The following TTC28 variants were observed in gnomAD, a reference collection of about 807,000 sequenced individuals.
TTC28 encodes tetratricopeptide repeat domain 28, also known as tetratricopeptide repeat protein 28.
A neutral mutation model predicts 198.0 loss-of-function variants in TTC28; 61 were observed. The observed-to-expected ratio is 0.31, with a 90% CI of 0.25 to 0.38. The LOEUF (loss-of-function observed/expected upper bound fraction) is 0.38, where lower values mean the gene tolerates loss of function less well. TTC28 is among the 10% of genes least tolerant of loss of function. The pLI, the probability that TTC28 is intolerant of heterozygous loss-of-function variation, is 1.00. For missense variants in TTC28, 2,678 were observed against 3,164.0 expected, an observed-to-expected ratio of 0.85 and a Z score of 3.69; for synonymous variants, 1,171 against 1,297.8, an observed-to-expected ratio of 0.90 and a Z score of 2.10.
In TTC28 at chr22:27,979,418, T is replaced by G. The variant is rs1936943986; in HGVS notation, c.*2803A>C. On this transcript the variant is annotated 3_prime_UTR_variant, in exon 23 of 23. Coordinates refer to ENST00000397906, the MANE Select transcript of TTC28 (RefSeq NM_001145418.2). ...TTGCTTGAACCCAGGAGGAAGAGGT[T>G]GCAGTGAGCCAAAATCGCACCAGTG... 6.7e-6 allele frequency: 1 copy of G among 149,966 alleles called. No individual in the cohort carries two copies. The highest frequency in any genetic ancestry group is 1.5e-5 in the Non-Finnish European group (1 of 67,810). 9.3% of individuals were successfully genotyped at this position (149,966 alleles called of 1,614,324 possible).
At chr22:28,140,893 T>G (rs1943315212) in intron 6 of TTC28, among the ~76,000 whole-genome samples, 1 of 151,152 alleles carries the variant, frequency 6.6e-6, no homozygotes, top group Admixed American at 6.6e-5. Context: ...ACCAGCATGT[T>G]CAGAGAATAT....
intron 2 of TTC28, among the ~76,000 whole-genome samples, chr22:28,591,038 CACAT>C (rs1219767036): frequency 2.0e-3 from 50 of 24,520 alleles, no homozygotes; most frequent in Non-Finnish European, 2.0e-3. Context: ...CACACACACA[CACAT>C]ATATATATAT....
intron 12 of TTC28, among the ~76,000 whole-genome samples, chr22:28,083,089 C>G (rs1011305553): frequency 7.7e-6 from 1 of 129,104 alleles, no homozygotes; most frequent in Non-Finnish European, 1.7e-5. Flanking sequence ...TTTTTTTTGT[C>G]TTAAGCAACT....
intron 5 of TTC28, among the ~76,000 whole-genome samples, chr22:28,256,258 C>T (rs1414044560): frequency 2.0e-5 from 3 of 151,880 alleles, no homozygotes; most frequent in Non-Finnish European, 2.9e-5. Flanking sequence ...CCCGTCTCTA[C>T]TAAAGATACA....
At chr22:28,575,855 G>A (rs2050139200) in intron 2 of TTC28, among the ~76,000 whole-genome samples, 1 of 151,992 alleles carries the variant, frequency 6.6e-6, no homozygotes, top group Non-Finnish European at 1.5e-5. Flanking sequence ...TGTTTATTTT[G>A]TATCCTGCAA....
chr22:28,456,394 T>C (rs1008459232), intron 2 of TTC28, among the ~76,000 whole-genome samples: 4 of 152,152 alleles, frequency 2.6e-5, no homozygotes, highest in African/African-American at 9.7e-5. Flanking sequence ...TAGAATTAGA[T>C]AATGGTGATG....
intron 5 of TTC28, among the ~76,000 whole-genome samples, chr22:28,274,437 G>C (rs1932280551): frequency 6.6e-6 from 1 of 151,764 alleles, no homozygotes; most frequent in Middle Eastern, 3.2e-3. Context: ...TCCTTCTTTG[G>C]GTTCAAAAGA....
intron 2 of TTC28, among the ~76,000 whole-genome samples, chr22:28,486,727 T>C (rs1261085638): frequency 6.6e-6 from 1 of 152,154 alleles, no homozygotes; most frequent in Non-Finnish European, 1.5e-5. Context: ...AAACTCTGAC[T>C]TTTCCACTTC....
At chr22:28,529,897 T>C (rs565018684) in intron 2 of TTC28, among the ~76,000 whole-genome samples, 2 of 152,044 alleles carry the variant, frequency 1.3e-5, no homozygotes, top group East Asian at 3.9e-4. Context: ...CAAAACCCCA[T>C]CTGCACATCA....
intron 2 of TTC28, among the ~76,000 whole-genome samples, chr22:28,460,494 T>G (rs1376553383): frequency 1.3e-5 from 2 of 152,096 alleles, no homozygotes; most frequent in Admixed American, 6.6e-5. Flanking sequence ...TGCAACTTGC[T>G]TTTCTGCCCA....
rs528918398 is a variant in TTC28 at position 28,176,112 on chromosome 22, C to A, written c.934-12513G>T. 7.0e-4 allele frequency among the ~76,000 whole-genome samples: 106 copies of A among 152,246 alleles called. 1 individual carries two copies. The highest frequency in any genetic ancestry group is 2.1e-3 in the African/African-American group (88 of 41,540). The stretch of plus-strand genomic sequence containing the variant: ...TATGTCAAGGAGATTACCTGCATTC[C>A]CATGTTCACTGTAGCACTATTTACA... On this transcript the variant is annotated intron_variant, in intron 5 of 22. Coordinates refer to ENST00000397906, the MANE Select transcript of TTC28 (RefSeq NM_001145418.2).
chr22:28,168,759 T>C (rs1922314568), intron 5 of TTC28, among the ~76,000 whole-genome samples: 1 of 152,230 alleles, frequency 6.6e-6, no homozygotes, highest in African/African-American at 2.4e-5. Context: ...GACATAGGCA[T>C]GGCCAAGGAC....
At chr22:28,539,591 GAGCCACTGCACATC>G (rs927525094) in intron 2 of TTC28, among the ~76,000 whole-genome samples, 6 of 151,622 alleles carry the variant, frequency 4.0e-5, no homozygotes, top group African/African-American at 1.5e-4. Context: ...AACCGTGATT[GAGCCACTGCACATC>G]AGCCTGGGCA....
intron 2 of TTC28, among the ~76,000 whole-genome samples, chr22:28,358,447 C>T (rs554864601): frequency 1.6e-4 from 24 of 152,286 alleles, no homozygotes; most frequent in Non-Finnish European, 2.9e-4. Context: ...TGTGGGTTTA[C>T]AATTTCTAAA....
rs534444290 is a variant in TTC28 at position 28,301,078 on chromosome 22, A to G, written c.530-3226T>C. Among the ~76,000 whole-genome samples, 3 of 152,334 alleles carry G rather than the reference A, an allele frequency of 2.0e-5. No homozygotes were observed. In the East Asian group the frequency reaches 5.8e-4, roughly 29 times the overall value. On this transcript the variant is annotated intron_variant, in intron 3 of 22. Transcript: ENST00000397906. ...ATAAATTTAAAAATTTTTTACTATC[A>G]AATTTCTCCGCTTGGGTTGTAATTA...
At chr22:28,371,384 C>A (rs1244285748) in intron 2 of TTC28, among the ~76,000 whole-genome samples, 1 of 147,000 alleles carries the variant, frequency 6.8e-6, no homozygotes, top group East Asian at 2.0e-4. Flanking sequence ...GTGGCACTTG[C>A]CTGTAGTCCC....
chr22:28,605,486 T>G (rs542015747), intron 2 of TTC28, among the ~76,000 whole-genome samples: 19 of 152,310 alleles, frequency 1.2e-4, no homozygotes, highest in Non-Finnish European at 1.5e-5. Flanking sequence ...CCCTCTAACA[T>G]GTACCCAAGA....
rs1601465652 is a variant in TTC28 at position 28,492,653 on chromosome 22, A to G, written c.381+136899T>C. On this transcript the variant is annotated intron_variant, in intron 2 of 22. Coordinates refer to ENST00000397906, the MANE Select transcript of TTC28 (RefSeq NM_001145418.2). ...GAAAGCTATGAAACAACCAATTCAC[A>G]TTTAAGAATCTCCTAAAGTTTTGGG... Among the ~76,000 whole-genome samples, 3 of 152,304 alleles carry G rather than the reference A, an allele frequency of 2.0e-5. No individual in the cohort carries two copies. In the East Asian group the frequency reaches 5.8e-4, roughly 29 times the overall value.
intron 2 of TTC28, among the ~76,000 whole-genome samples, chr22:28,371,401 T>TGG (rs1283293147): frequency 7.1e-6 from 1 of 140,694 alleles, no homozygotes; most frequent in Non-Finnish European, 1.5e-5. Flanking sequence ...TCCCAGCTAC[T>TGG]GGGGAGGCTG....
Sources: gnomAD v4.1 joint callset for allele counts (sites outside exome capture counted in the v4.1 genomes callset) on GRCh38, gnomAD v4.1.1 for gene constraint, MANE v1.5 for transcripts, NCBI Gene and HGNC (gene_info 2026-07-23, HGNC 2026-07-21) for gene names.